Variants in CACHD1 observed in about 807,000 individuals in gnomAD.
CACHD1 encodes VWFA and cache domain-containing protein 1.
In CACHD1, 71 loss-of-function variants were observed where a neutral mutation model predicts 138.7. The observed-to-expected ratio is 0.51, with a 90% CI of 0.42 to 0.62. The LOEUF (loss-of-function observed/expected upper bound fraction) is 0.62, where lower values mean the gene tolerates loss of function less well. CACHD1 is among the 20% of genes least tolerant of loss of function. The pLI, the probability that CACHD1 is intolerant of heterozygous loss-of-function variation, is 0.00. For missense variants in CACHD1, 1,389 were observed against 1,625.3 expected, an observed-to-expected ratio of 0.85 and a Z score of 2.50; for synonymous variants, 578 against 591.5, an observed-to-expected ratio of 0.98 and a Z score of 0.33.
intron 1 of CACHD1, among the ~76,000 whole-genome samples, chr1:64,539,619 T>C (rs1176765492): frequency 1.3e-5 from 2 of 152,350 alleles, no homozygotes; most frequent in East Asian, 1.9e-4. Flanking sequence ...GTGAGTCCTT[T>C]GTAAGTTGAG....
At chr1:64,480,698 G>T (rs1217887034) in intron 1 of CACHD1, among the ~76,000 whole-genome samples, 1 of 151,506 alleles carries the variant, frequency 6.6e-6, no homozygotes, top group African/African-American at 2.4e-5. Context: ...TTACTGAAAA[G>T]GTAAGTTATT....
intron 3 of CACHD1, among the ~76,000 whole-genome samples, chr1:64,598,192 C>T (rs1200858801): frequency 6.6e-6 from 1 of 152,196 alleles, no homozygotes; most frequent in East Asian, 1.9e-4. Context: ...CCAGTAGTTA[C>T]TCCTGCTAGC....
At chr1:64,525,703 A>G (rs903623513) in intron 1 of CACHD1, among the ~76,000 whole-genome samples, 2 of 152,186 alleles carry the variant, frequency 1.3e-5, no homozygotes, top group Non-Finnish European at 2.9e-5. Flanking sequence ...AACTGGTTAG[A>G]TTTCTCTATA....
chr1:64,602,366 C>T (rs1333499487), intron 3 of CACHD1, among the ~76,000 whole-genome samples: 1 of 152,068 alleles, frequency 6.6e-6, no homozygotes, highest in Non-Finnish European at 1.5e-5. Flanking sequence ...TACTCCACAC[C>T]CATTCAACCT....
intron 5 of CACHD1, among the ~76,000 whole-genome samples, chr1:64,631,127 T>C (rs1210827477): frequency 2.6e-5 from 4 of 152,238 alleles, no homozygotes; most frequent in African/African-American, 4.8e-5. Context: ...ACTATTTATA[T>C]ATCCCACTAA....
At chr1:64,684,552 G>T (rs1332603922) in intron 26 of CACHD1, among the ~76,000 whole-genome samples, 1 of 151,840 alleles carries the variant, frequency 6.6e-6, no homozygotes, top group African/African-American at 2.4e-5. Context: ...TAGTCAAAAA[G>T]TTTTAAAAGT....
At chr1:64,583,782 T>C (rs1647030358) in intron 3 of CACHD1, among the ~76,000 whole-genome samples, 1 of 151,878 alleles carries the variant, frequency 6.6e-6, no homozygotes, top group Non-Finnish European at 1.5e-5. Context: ...AAAGAGTGTG[T>C]ACAGGGGAGC....
At position 64,675,708 on chromosome 1, in the gene CACHD1, C is replaced by A. The variant is rs567658896; in HGVS notation, c.2888+147C>A. 85 of 1,002,328 alleles carry A rather than the reference C, an allele frequency of 8.5e-5. No individual in the cohort carries two copies. The African/African-American group carries it at 1.3e-3, about 15-fold the overall frequency. The allele number at this position is 1,002,328 out of a possible 1,614,324, so 62.1% of individuals were successfully genotyped here. ...AGTTACAAAGCCACTTAGAGCTGTGCCGTTTGCAGCATCCTTGTCCAAAGA... is the reference window on the plus strand; with the variant it reads ...AGTTACAAAGCCACTTAGAGCTGTGACGTTTGCAGCATCCTTGTCCAAAGA... On this transcript the variant is annotated intron_variant, in intron 20 of 26. Transcript: ENST00000651257.
intron 4 of CACHD1, among the ~76,000 whole-genome samples, chr1:64,618,676 A>G (rs1647801583): frequency 6.6e-6 from 1 of 152,202 alleles, no homozygotes; most frequent in Non-Finnish European, 1.5e-5. Flanking sequence ...GATGCCAGAA[A>G]TTTTGTTTGG....
At chr1:64,623,858 A>G (rs184116614) in intron 4 of CACHD1, among the ~76,000 whole-genome samples, 2 of 152,360 alleles carry the variant, frequency 1.3e-5, no homozygotes, top group Admixed American at 6.5e-5. Flanking sequence ...AATGCTGTGC[A>G]TCACCGCTTA....
chr1:64,600,553 A>C (rs1449926690), intron 3 of CACHD1, among the ~76,000 whole-genome samples: 1 of 152,164 alleles, frequency 6.6e-6, no homozygotes, highest in Non-Finnish European at 1.5e-5. Context: ...GATGGTGTGG[A>C]TGGTCATAAA....
intron 23 of CACHD1, 31 bp from the exon 24 acceptor site, chr1:64,679,564 C>G: frequency 2.5e-6 from 4 of 1,610,804 alleles, no homozygotes; most frequent in Non-Finnish European, 3.4e-6. Flanking sequence ...GAAATCTTAA[C>G]AAGAAACATC....
At chr1:64,481,787 T>C (rs1646212866) in intron 1 of CACHD1, among the ~76,000 whole-genome samples, 1 of 152,186 alleles carries the variant, frequency 6.6e-6, no homozygotes, top group Non-Finnish European at 1.5e-5. Context: ...TTAAATAAAA[T>C]CTTAATTCAA....
chr1:64,634,224 A>G lies in CACHD1; in HGVS notation c.970A>G (p.Ile324Val), dbSNP rs1648422708. 1 of 1,613,998 alleles carries G rather than the reference A, an allele frequency of 6.2e-7. No homozygotes were observed. The highest frequency in any genetic ancestry group is 8.5e-7 in the Non-Finnish European group (1 of 1,179,972). ...AVGFQKAFQL[I>V]RSTNNNTKFQ... is the part of the protein sequence containing the mutation. ...GGGATTCCAAAAGGCATTTCAGCTG[A>G]TTCGAAGTACAAACAATAACACAAA... is the stretch of plus-strand genomic sequence containing the variant. The change falls in exon 7 of 27, where the codon ATT (isoleucine) becomes GTT (valine). Residue 324 changes from isoleucine (I) to valine (V), a missense_variant. Around this residue, in one of 5 missense-constraint regions of CACHD1, gnomAD observed 1,000 missense variants for 1,114.7 expected, o/e 0.90. Coordinates refer to ENST00000651257, the MANE Select transcript of CACHD1 (RefSeq NM_020925.4).
intron 2 of CACHD1, among the ~76,000 whole-genome samples, chr1:64,558,771 G>A (rs972407616): frequency 7.2e-5 from 11 of 152,172 alleles, no homozygotes; most frequent in African/African-American, 2.2e-4. Context: ...GTAACATCTA[G>A]CATCTATAAG....
At chr1:64,537,242 A>G (rs975246210) in intron 1 of CACHD1, among the ~76,000 whole-genome samples, 4 of 144,462 alleles carry the variant, frequency 2.8e-5, no homozygotes, top group African/African-American at 1.0e-4. Flanking sequence ...CCCCTCACCC[A>G]GTACTTATGC....
intron 2 of CACHD1, chr1:64,579,837 G>GT (rs1458885999): frequency 6.5e-5 from 10 of 153,786 alleles, no homozygotes; most frequent in Admixed American, 2.6e-4. Context: ...AACATATATC[G>GT]TATGTTATCT....
At chr1:64,584,456 C>T (rs1293464193) in intron 3 of CACHD1, among the ~76,000 whole-genome samples, 1 of 152,132 alleles carries the variant, frequency 6.6e-6, no homozygotes, top group African/African-American at 2.4e-5. Context: ...GTGAATCTAC[C>T]CAGTCACTTG....
chr1:64,637,718 A>G (rs1413302894), intron 7 of CACHD1, among the ~76,000 whole-genome samples: 2 of 152,184 alleles, frequency 1.3e-5, no homozygotes, highest in Non-Finnish European at 2.9e-5. Context: ...CCCAAGTAAG[A>G]TGTTTCTAAG....
Sources: allele counts gnomAD v4.1 joint callset (sites outside exome capture counted in the v4.1 genomes callset), GRCh38; gene constraint gnomAD v4.1.1; regional missense constraint gnomAD v4.1.1; transcripts MANE v1.5; gene names NCBI Gene and HGNC (gene_info 2026-07-23, HGNC 2026-07-21).